EYS: variants seen among roughly 807,000 people sequenced by gnomAD.
EYS encodes the protein protein eyes shut homolog.
In EYS, 250 loss-of-function variants were observed where a neutral mutation model predicts 282.1. The ratio of observed to expected loss-of-function variants is 0.89; its 90% CI spans 0.80 to 0.98. The LOEUF (loss-of-function observed/expected upper bound fraction) is 0.98, where lower values mean the gene tolerates loss of function less well. Among genes scored for constraint, EYS ranks in the 50% least tolerant of loss-of-function variants. The pLI is 0.00. For synonymous variants in EYS, 1,355 were observed against 1,282.9 expected (o/e 1.06, Z -1.20); for missense variants, 4,016 against 3,709.0 (o/e 1.08, Z -2.15).
chr6:65,479,481 G>A (rs569100417), intron 5 of EYS, among the ~76,000 whole-genome samples: 16 of 152,202 alleles, frequency 1.1e-4, no homozygotes, highest in Admixed American at 4.6e-4. Flanking sequence ...ATTGGCTAAG[G>A]AAATAAAAAT....
intron 33 of EYS, among the ~76,000 whole-genome samples, chr6:64,047,509 A>G (rs910859345): frequency 6.6e-6 from 1 of 152,246 alleles, no homozygotes; most frequent in Non-Finnish European, 1.5e-5. Context: ...TGACAGAATG[A>G]TAATTGTTTC....
At chr6:64,633,069 G>A (rs1168976440) in intron 22 of EYS, among the ~76,000 whole-genome samples, 1 of 152,060 alleles carries the variant, frequency 6.6e-6, no homozygotes, top group African/African-American at 2.4e-5. Flanking sequence ...TATCTTGAAG[G>A]TCATTTTAAT....
chr6:64,045,448 T>C (rs1233205378), intron 33 of EYS, among the ~76,000 whole-genome samples: 1 of 147,588 alleles, frequency 6.8e-6, no homozygotes, highest in Admixed American at 6.8e-5. Flanking sequence ...TTTATTTTAT[T>C]TTATTTTATT....
At chr6:64,463,212 A>G (rs1775813093) in intron 26 of EYS, among the ~76,000 whole-genome samples, 1 of 152,034 alleles carries the variant, frequency 6.6e-6, no homozygotes. Flanking sequence ...AGGCCTCCCA[A>G]AGTGCTGGGA....
At chr6:64,963,935 A>G (rs1440566796) in intron 14 of EYS, among the ~76,000 whole-genome samples, 1 of 152,146 alleles carries the variant, frequency 6.6e-6, no homozygotes. Context: ...ATTATGTTGT[A>G]CTTTTTTATT....
Position 64,303,765 on chromosome 6 carries a change from C to T in EYS, c.6191+3205G>A, listed in dbSNP as rs561518134. On this transcript the variant is annotated intron_variant, in intron 30 of 42. Coordinates refer to ENST00000503581, the MANE Select transcript of EYS (RefSeq NM_001142800.2). ...CTGAGGCAGGAGAATGGCGTGAACC[C>T]GGGAGGCGGAGCTTGCAGTGAGTCG... Among the ~76,000 whole-genome samples the T allele has an allele frequency of 3.3e-3, 481 of 146,474 alleles. 3 individuals carry two copies. Among genetic ancestry groups the T allele is most frequent in the African/African-American group, 0.011 (440 of 39,204 alleles).
chr6:64,873,226 G>A (rs1001322063), intron 19 of EYS, among the ~76,000 whole-genome samples: 1 of 152,026 alleles, frequency 6.6e-6, no homozygotes, highest in Non-Finnish European at 1.5e-5. Context: ...AGCTTGTGCA[G>A]GGAAACTCCC....
chr6:65,170,542 T>G (rs556317004), intron 12 of EYS, among the ~76,000 whole-genome samples: 158 of 151,638 alleles, frequency 1.0e-3, no homozygotes, highest in African/African-American at 3.7e-3. Flanking sequence ...AGGCCAGTTT[T>G]CTGCCAACTT....
At chr6:63,871,793 TC>T (rs903331299) in intron 35 of EYS, among the ~76,000 whole-genome samples, 21 of 152,296 alleles carry the variant, frequency 1.4e-4, no homozygotes, top group African/African-American at 5.1e-4. Context: ...TTAAGCTTTG[TC>T]AGTAGAGGGC....
intron 2 of EYS, among the ~76,000 whole-genome samples, chr6:65,567,895 A>G (rs1400165054): frequency 6.6e-6 from 1 of 152,084 alleles, no homozygotes; most frequent in Non-Finnish European, 1.5e-5. Context: ...GGCTCAGAAA[A>G]CAATACCCCA....
intron 33 of EYS, among the ~76,000 whole-genome samples, chr6:64,021,532 T>C (rs763933781): frequency 6.6e-6 from 1 of 152,132 alleles, no homozygotes; most frequent in Non-Finnish European, 1.5e-5. Flanking sequence ...TGTTCCAAAG[T>C]AAAAGCTGAG....
intron 11 of EYS, among the ~76,000 whole-genome samples, chr6:65,316,847 T>C (rs539127312): frequency 3.5e-4 from 53 of 152,304 alleles, no homozygotes; most frequent in Middle Eastern, 3.4e-3. Flanking sequence ...CCATGTTGTA[T>C]ATGTGCCACA....
chr6:64,081,758 A>T, intron 32 of EYS, 98 bp downstream of exon 32: 1 of 1,073,358 alleles, frequency 9.3e-7, no homozygotes, highest in Non-Finnish European at 1.3e-6. Flanking sequence ...GTCTGGAAAA[A>T]TTCTCTCACA....
intron 36 of EYS, among the ~76,000 whole-genome samples, chr6:63,853,833 A>T (rs538685198): frequency 5.9e-5 from 9 of 152,338 alleles, no homozygotes; most frequent in African/African-American, 2.2e-4. Context: ...TACACCACAG[A>T]TGTATAACCA....
chr6:64,882,670 A>G (rs1766960249), intron 19 of EYS, among the ~76,000 whole-genome samples: 1 of 151,706 alleles, frequency 6.6e-6, no homozygotes, highest in Admixed American at 6.6e-5. Context: ...TGTTTAAATT[A>G]TTACAGATGC....
intron 2 of EYS, among the ~76,000 whole-genome samples, chr6:65,546,855 G>T (rs773356706): frequency 6.6e-6 from 1 of 152,224 alleles, no homozygotes; most frequent in African/African-American, 2.4e-5. Flanking sequence ...ACAGGCATGA[G>T]CGACCACACC....
At chr6:65,119,004 T>A (rs1775454893) in intron 12 of EYS, among the ~76,000 whole-genome samples, 1 of 152,072 alleles carries the variant, frequency 6.6e-6, no homozygotes, top group Non-Finnish European at 1.5e-5. Flanking sequence ...AAATAAAATC[T>A]ATTGTAAAAA....
intron 2 of EYS, among the ~76,000 whole-genome samples, chr6:65,543,238 G>GCTCCGGACCTCA (rs201482230): frequency 6.6e-6 from 1 of 150,810 alleles, no homozygotes; most frequent in East Asian, 2.0e-4. Context: ...AGGCTGGTCA[G>GCTCCGGACCTCA]GATGAACAAC....
chr6:63,736,802 C>A (rs930825570), intron 41 of EYS, among the ~76,000 whole-genome samples: 5 of 151,058 alleles, frequency 3.3e-5, no homozygotes, highest in African/African-American at 1.2e-4. Flanking sequence ...AGGTCCTTCA[C>A]GTCCCTTGTA....
Sources: allele counts gnomAD v4.1 joint callset (sites outside exome capture counted in the v4.1 genomes callset), GRCh38; gene constraint gnomAD v4.1.1; transcripts MANE v1.5; gene names NCBI Gene and HGNC (gene_info 2026-07-23, HGNC 2026-07-21).